The following KIF16B variants were observed in gnomAD, a reference collection of about 807,000 sequenced individuals.
KIF16B encodes the protein kinesin-like protein KIF16B.
In KIF16B, 98 loss-of-function variants were observed where a neutral mutation model predicts 156.3. The ratio of observed to expected loss-of-function variants is 0.63; its 90% CI spans 0.53 to 0.74. The LOEUF is 0.74. KIF16B is among the 30% of genes least tolerant of loss of function. KIF16B has a pLI of 0.00. For missense variants in KIF16B, 1,421 were observed against 1,606.5 expected (o/e 0.88, Z 1.97); for synonymous variants, 564 against 583.7 (o/e 0.97, Z 0.49).
intron 25 of KIF16B, among the ~76,000 whole-genome samples, chr20:16,291,369 G>A (rs545407440): frequency 2.9e-4 from 44 of 152,326 alleles, no homozygotes; most frequent in African/African-American, 9.9e-4. Flanking sequence ...AATGAAGAAT[G>A]GTGTTGATTA....
At chr20:16,494,398 T>C (rs191750823) in intron 11 of KIF16B, 48 bp from the exon 12 acceptor site, 3 of 1,259,466 alleles carry the variant, frequency 2.4e-6, no homozygotes, top group East Asian at 2.4e-5. Flanking sequence ...AGAAAGTTTA[T>C]AATTTTCTTC....
At chr20:16,525,701 A>G (rs749133467) in intron 3 of KIF16B, among the ~76,000 whole-genome samples, 2 of 152,208 alleles carry the variant, frequency 1.3e-5, no homozygotes, top group African/African-American at 4.8e-5. Context: ...CTTGGGTTTG[A>G]AGTTTCCTCC....
chr20:16,319,814 G>A (rs2063748659), intron 24 of KIF16B, among the ~76,000 whole-genome samples: 1 of 152,184 alleles, frequency 6.6e-6, no homozygotes, highest in Non-Finnish European at 1.5e-5. Flanking sequence ...TGTGACATTA[G>A]GGGATTGAGC....
chr20:16,413,155 G>T (rs959134666), intron 15 of KIF16B, among the ~76,000 whole-genome samples: 6 of 152,088 alleles, frequency 3.9e-5, no homozygotes, highest in African/African-American at 1.4e-4. Context: ...CACTTAATTT[G>T]TAATTTTGCA....
At position 16,378,937 on chromosome 20, in the gene KIF16B, T is replaced by C. The variant is rs34336583; in HGVS notation, c.3065A>G (p.His1022Arg). The part of the protein sequence containing the change: ...LERRHSALQR[H>R]STLGMEIEEQ... ...TTCAATCTCCATGCCCAGGGTGGAG[T>C]GCCTCTGCAGCGCAGAATGTCTCCT... is the stretch of plus-strand genomic sequence containing the variant. The change falls in exon 19 of 26, where the codon CAC becomes CGC. Residue 1022 changes from histidine (H) to arginine (R), a missense_variant. Coordinates refer to ENST00000354981, the MANE Select transcript of KIF16B (RefSeq NM_024704.5). The C allele has an allele frequency of 5.5e-4, 885 of 1,614,032 alleles. 4 individuals are homozygous for C. In the African/African-American group the frequency reaches 0.011, roughly 19 times the overall value.
intron 12 of KIF16B, among the ~76,000 whole-genome samples, chr20:16,448,421 T>C (rs534016142): frequency 2.0e-5 from 3 of 152,164 alleles, no homozygotes; most frequent in Admixed American, 6.5e-5. Context: ...ACTAGACAAA[T>C]GAAGAATCTG....
chr20:16,480,450 G>T (rs188334111), intron 12 of KIF16B, among the ~76,000 whole-genome samples: 2 of 152,318 alleles, frequency 1.3e-5, no homozygotes, highest in Non-Finnish European at 2.9e-5. Flanking sequence ...CACACAACTA[G>T]TAAGTGATAG....
intron 25 of KIF16B, among the ~76,000 whole-genome samples, chr20:16,298,524 T>C (rs1489603751): frequency 6.6e-6 from 1 of 152,234 alleles, no homozygotes; most frequent in African/African-American, 2.4e-5. Context: ...TAGTATTCTC[T>C]GATGGTAGTT....
intron 21 of KIF16B, 38 bp from the exon 22 acceptor site, chr20:16,370,674 A>G (rs1417898108): frequency 1.3e-6 from 2 of 1,513,382 alleles, no homozygotes; most frequent in African/African-American, 1.4e-5. Flanking sequence ...ATTAAATTAT[A>G]GCAAGTTCAC....
At chr20:16,498,696 T>C (rs16997748) in intron 10 of KIF16B, among the ~76,000 whole-genome samples, 2,838 of 152,124 alleles carry the variant, frequency 0.019, 84 homozygotes, top group African/African-American at 0.065. Context: ...TGTGGTATTC[T>C]TAATCTTTCA....
At chr20:16,440,825 T>A in intron 12 of KIF16B, among the ~76,000 whole-genome samples, 1 of 152,214 alleles carries the variant, frequency 6.6e-6, no homozygotes, top group Non-Finnish European at 1.5e-5. Flanking sequence ...TTTATTTAAA[T>A]GCCAAACAGC....
At chr20:16,534,354 T>G (rs765225667) in intron 1 of KIF16B, among the ~76,000 whole-genome samples, 2 of 152,218 alleles carry the variant, frequency 1.3e-5, no homozygotes, top group Non-Finnish European at 2.9e-5. Context: ...TCCTAGTTCC[T>G]GAAAACACTT....
chr20:16,532,392 T>G (rs114106623), intron 1 of KIF16B, among the ~76,000 whole-genome samples: 15 of 152,232 alleles, frequency 9.9e-5, no homozygotes, highest in African/African-American at 3.6e-4. Flanking sequence ...CTACAGCAGA[T>G]TCCCAGGGCC....
chr20:16,415,879 G>A (rs1027500684), intron 15 of KIF16B, among the ~76,000 whole-genome samples: 1 of 152,128 alleles, frequency 6.6e-6, no homozygotes, highest in Non-Finnish European at 1.5e-5. Context: ...CCTAAGGAAT[G>A]TAGCTATAGC....
intron 23 of KIF16B, among the ~76,000 whole-genome samples, chr20:16,343,589 AG>A (rs1261368417): frequency 6.6e-6 from 1 of 152,250 alleles, no homozygotes; most frequent in Non-Finnish European, 1.5e-5. Flanking sequence ...TACTAAAAAA[AG>A]TTCTGTCTGA....
At chr20:16,516,565 G>T (rs776026905) in intron 3 of KIF16B, among the ~76,000 whole-genome samples, 3 of 152,162 alleles carry the variant, frequency 2.0e-5, no homozygotes, top group African/African-American at 7.2e-5. Context: ...TGCCAAACAA[G>T]GAAGCTCTGT....
intron 1 of KIF16B, among the ~76,000 whole-genome samples, chr20:16,550,832 A>C (rs905708467): frequency 1.3e-5 from 2 of 152,010 alleles, no homozygotes; most frequent in African/African-American, 4.8e-5. Context: ...CGCCTGGCCG[A>C]AACATGCATT....
At chr20:16,333,761 G>A (rs891434137) in intron 24 of KIF16B, among the ~76,000 whole-genome samples, 1 of 152,154 alleles carries the variant, frequency 6.6e-6, no homozygotes, top group African/African-American at 2.4e-5. Flanking sequence ...GATTAGAGTT[G>A]TATATTGGTG....
At chr20:16,564,518 G>A (rs1021333371) in intron 1 of KIF16B, among the ~76,000 whole-genome samples, 3 of 152,076 alleles carry the variant, frequency 2.0e-5, no homozygotes, top group Non-Finnish European at 2.9e-5. Context: ...GTTGTGAGGT[G>A]GGGGGAGAGG....
Sources: allele counts gnomAD v4.1 joint callset (sites outside exome capture counted in the v4.1 genomes callset), GRCh38; gene constraint gnomAD v4.1.1; transcripts MANE v1.5; gene names NCBI Gene and HGNC (gene_info 2026-07-23, HGNC 2026-07-21).